The following SND1 variants were observed in gnomAD, a reference collection of about 807,000 sequenced individuals.
SND1 encodes staphylococcal nuclease domain-containing protein 1.
Under a neutral mutation model 121.7 loss-of-function variants are expected in SND1, and 38 were observed. That is an observed-to-expected ratio of 0.31 (90% CI 0.24 to 0.41). The LOEUF (loss-of-function observed/expected upper bound fraction) is 0.41. Ranked by LOEUF, SND1 falls within the 10% of genes least tolerant of loss-of-function variation. The pLI, the probability that SND1 is intolerant of heterozygous loss-of-function variation, is 1.00. For synonymous variants in SND1, 401 were observed against 447.4 expected, an observed-to-expected ratio of 0.90 and a Z score of 1.31; for missense variants, 868 against 1,184.6, an observed-to-expected ratio of 0.73 and a Z score of 3.92.
intron 10 of SND1, among the ~76,000 whole-genome samples, chr7:127,787,308 C>T (rs571220737): frequency 2.0e-5 from 3 of 152,288 alleles, no homozygotes; most frequent in African/African-American, 4.8e-5. Flanking sequence ...TATCCTAGCT[C>T]ACTGCAGCCT....
At chr7:127,721,524 C>G in intron 10 of SND1, 124 bp downstream of exon 10, 2 of 555,288 alleles carry the variant, frequency 3.6e-6, no homozygotes, top group Non-Finnish European at 6.5e-6. Context: ...TATTTTAAAT[C>G]TCCACAGTAT....
At chr7:127,913,502 C>T (rs1480600047) in intron 14 of SND1, among the ~76,000 whole-genome samples, 1 of 152,154 alleles carries the variant, frequency 6.6e-6, no homozygotes, top group Non-Finnish European at 1.5e-5. Flanking sequence ...GTTCCTCTGG[C>T]CATAGATTTG....
chr7:127,679,714 C>T (rs1484169813), intron 1 of SND1, among the ~76,000 whole-genome samples: 1 of 152,192 alleles, frequency 6.6e-6, no homozygotes, highest in East Asian at 1.9e-4. Flanking sequence ...GCTTCTTTTA[C>T]TTAACATAAT....
chr7:128,072,742 C>T (rs117069043), intron 16 of SND1, among the ~76,000 whole-genome samples: 1,958 of 152,200 alleles, frequency 0.013, 23 homozygotes, highest in South Asian at 0.033. Context: ...CTGGAGGAGG[C>T]GCTCAGTCTT....
At chr7:127,711,305 AG>A (rs545162444) in intron 9 of SND1, among the ~76,000 whole-genome samples, 193 of 152,306 alleles carry the variant, frequency 1.3e-3, no homozygotes, top group Non-Finnish European at 1.7e-3. Flanking sequence ...AATGCTTGGG[AG>A]GTAAATTTTC....
chr7:127,877,443 G>A (rs944167762), intron 12 of SND1, among the ~76,000 whole-genome samples: 7 of 152,076 alleles, frequency 4.6e-5, no homozygotes, highest in African/African-American at 9.6e-5. Flanking sequence ...GAGATCTCAG[G>A]TAGATGCTGA....
chr7:127,854,912 TGTA>T (rs1799245249), intron 12 of SND1, among the ~76,000 whole-genome samples: 2 of 152,052 alleles, frequency 1.3e-5, no homozygotes, highest in South Asian at 2.1e-4. Context: ...TAATAAAAAT[TGTA>T]GTAACATTTT....
Position 127,721,337 on chromosome 7 carries a change from C to A in SND1, c.1089C>A (p.Gly363=). ...ADAIVVKLNS[G]DYKTIHLSSI... ...CCATTGTTGTGAAGCTGAACTCAGG[C>A]GATTACAAGACGATTCACCTGTCCA... The change falls in exon 10 of 24, where the codon GGC becomes GGA. Residue 363 remains glycine, a synonymous_variant. Coordinates refer to ENST00000354725, the MANE Select transcript of SND1 (RefSeq NM_014390.4). 1 of 1,613,448 alleles carries A rather than the reference C, an allele frequency of 6.2e-7. No homozygotes were observed.
chr7:127,943,339 TC>T (rs1801259213), intron 15 of SND1, among the ~76,000 whole-genome samples: 1 of 152,240 alleles, frequency 6.6e-6, no homozygotes, highest in Non-Finnish European at 1.5e-5. Flanking sequence ...TCACATTAGT[TC>T]ATTTTCCATA....
chr7:127,704,733 GC>G (rs1796159803), intron 7 of SND1, 105 bp from the exon 8 acceptor site: 1 of 909,284 alleles, frequency 1.1e-6, no homozygotes, highest in Non-Finnish European at 1.8e-6. Context: ...CAAACAAACT[GC>G]AGACTAGTTT....
chr7:127,906,336 AT>A (rs774919703), intron 14 of SND1, among the ~76,000 whole-genome samples: 3 of 152,120 alleles, frequency 2.0e-5, no homozygotes, highest in Non-Finnish European at 4.4e-5. Flanking sequence ...ATCCAGTGCG[AT>A]GTTACTTGGC....
intron 15 of SND1, among the ~76,000 whole-genome samples, chr7:127,986,316 T>A (rs1428552670): frequency 6.6e-6 from 1 of 152,186 alleles, no homozygotes; most frequent in East Asian, 1.9e-4. Context: ...GAATGATTGC[T>A]CCATAGCCCA....
intron 16 of SND1, chr7:128,027,170 C>G (rs1460034977): frequency 6.6e-6 from 1 of 151,770 alleles, no homozygotes; most frequent in Non-Finnish European, 1.5e-5. Context: ...ACCCATACCA[C>G]CCCCTTTCAA....
At chr7:128,046,050 A>G (rs964870919) in intron 16 of SND1, among the ~76,000 whole-genome samples, 2 of 152,176 alleles carry the variant, frequency 1.3e-5, no homozygotes, top group Admixed American at 1.3e-4. Context: ...CTCCACCCCA[A>G]TGATTGGCTG....
At chr7:127,960,288 C>T (rs1801700932) in intron 15 of SND1, among the ~76,000 whole-genome samples, 1 of 152,218 alleles carries the variant, frequency 6.6e-6, no homozygotes, top group African/African-American at 2.4e-5. Flanking sequence ...GTAAGTGCAT[C>T]GTGTGGGACT....
intron 1 of SND1, among the ~76,000 whole-genome samples, chr7:127,662,890 C>CTTTTTT (rs34629378): frequency 1.6e-5 from 2 of 122,520 alleles, no homozygotes; most frequent in Non-Finnish European, 1.7e-5. Context: ...CCTCTTTTAT[C>CTTTTTT]TTTTTTTTTT....
intron 21 of SND1, among the ~76,000 whole-genome samples, chr7:128,089,287 C>G (rs1445356039): frequency 2.0e-5 from 3 of 152,040 alleles, no homozygotes; most frequent in African/African-American, 7.2e-5. Context: ...CTCCTGGCCT[C>G]AAGGGGTCCA....
At chr7:128,032,328 C>T (rs950006716) in intron 16 of SND1, among the ~76,000 whole-genome samples, 1 of 151,374 alleles carries the variant, frequency 6.6e-6, no homozygotes, top group African/African-American at 2.4e-5. Context: ...CTCCCCCCTC[C>T]CCGGGCCGCT....
intron 10 of SND1, among the ~76,000 whole-genome samples, chr7:127,753,984 A>G (rs117758756): frequency 6.6e-6 from 1 of 152,212 alleles, no homozygotes; most frequent in Admixed American, 6.5e-5. Context: ...TTGAACGCTC[A>G]GAGCCTATTT....
Sources: allele counts gnomAD v4.1 joint callset (sites outside exome capture counted in the v4.1 genomes callset), GRCh38; gene constraint gnomAD v4.1.1; transcripts MANE v1.5; gene names NCBI Gene and HGNC (gene_info 2026-07-23, HGNC 2026-07-21).